PPP1R9A: variants seen among roughly 807,000 people sequenced by gnomAD.
PPP1R9A encodes neurabin-1.
In PPP1R9A, 59 loss-of-function variants were observed where a neutral mutation model predicts 141.9. The ratio of observed to expected loss-of-function variants is 0.42; its 90% CI spans 0.34 to 0.52. The LOEUF (loss-of-function observed/expected upper bound fraction) is 0.52. PPP1R9A is among the 20% of genes least tolerant of loss of function. The pLI, the probability that PPP1R9A is intolerant of heterozygous loss-of-function variation, is 0.10. For synonymous variants in PPP1R9A, 500 were observed against 569.7 expected (o/e 0.88, Z 1.74); for missense variants, 1,444 against 1,611.9 (o/e 0.90, Z 1.78).
intron 6 of PPP1R9A, chr7:95,202,508 A>C: frequency 3.9e-6 from 2 of 513,810 alleles, no homozygotes; most frequent in South Asian, 1.7e-4. Flanking sequence ...TGTTTAATCG[A>C]AGTATTGATC....
chr7:95,272,562 G>A lies in PPP1R9A; in HGVS notation c.3125-1337G>A, dbSNP rs929173667. Among the ~76,000 whole-genome samples the A allele has an allele frequency of 2.0e-5, 3 of 152,280 alleles. No individual in the cohort carries two copies. In the South Asian group the frequency reaches 6.2e-4, roughly 32 times the overall value. On this transcript the variant is annotated intron_variant, in intron 14 of 19. Transcript: ENST00000433360. ...TTCATTATGTACATTTCAGTGAGTT[G>A]CTTATTGTAATCTAAGTATCATTAA...
At chr7:95,189,067 T>A (rs968849215) in intron 5 of PPP1R9A, among the ~76,000 whole-genome samples, 1 of 152,070 alleles carries the variant, frequency 6.6e-6, no homozygotes, top group Non-Finnish European at 1.5e-5. Flanking sequence ...GGATACAGAG[T>A]TCTTGGTTTG....
intron 2 of PPP1R9A, among the ~76,000 whole-genome samples, chr7:95,003,495 G>T (rs1803215403): frequency 6.6e-6 from 1 of 152,116 alleles, no homozygotes; most frequent in South Asian, 2.1e-4. Context: ...TTAAGGGGAT[G>T]CTCCTTTATT....
chr7:94,935,628 C>T (rs1007691372), intron 2 of PPP1R9A, among the ~76,000 whole-genome samples: 1 of 152,090 alleles, frequency 6.6e-6, no homozygotes, highest in South Asian at 2.1e-4. Flanking sequence ...CAGAATTATT[C>T]TTTTGAATTG....
At chr7:95,132,143 T>C (rs1824761671) in intron 4 of PPP1R9A, among the ~76,000 whole-genome samples, 1 of 152,202 alleles carries the variant, frequency 6.6e-6, no homozygotes, top group South Asian at 2.1e-4. Flanking sequence ...TGAAGATAGT[T>C]TGACTTCTTC....
intron 2 of PPP1R9A, among the ~76,000 whole-genome samples, chr7:95,062,278 A>T (rs1436131734): frequency 6.6e-6 from 1 of 152,152 alleles, no homozygotes; most frequent in African/African-American, 2.4e-5. Flanking sequence ...GTCACATGAC[A>T]GTTCACATTT....
At chr7:95,104,802 T>C (rs1277174822) in intron 2 of PPP1R9A, among the ~76,000 whole-genome samples, 1 of 152,242 alleles carries the variant, frequency 6.6e-6, no homozygotes, top group Non-Finnish European at 1.5e-5. Flanking sequence ...GTTTTTGGAA[T>C]GTTAATATGT....
intron 2 of PPP1R9A, among the ~76,000 whole-genome samples, chr7:95,099,138 A>G (rs1818425576): frequency 6.6e-6 from 1 of 152,226 alleles, no homozygotes; most frequent in Non-Finnish European, 1.5e-5. Context: ...AGCAGGAAGG[A>G]CCAACTGCTG....
chr7:95,117,145 A>G (rs1159853970), intron 3 of PPP1R9A, among the ~76,000 whole-genome samples: 2 of 152,202 alleles, frequency 1.3e-5, no homozygotes, highest in Admixed American at 1.3e-4. Flanking sequence ...TGGGCTCCAT[A>G]GTATGACAAT....
chr7:95,182,430 A>G (rs1000610948), intron 5 of PPP1R9A, among the ~76,000 whole-genome samples: 3 of 152,228 alleles, frequency 2.0e-5, no homozygotes, highest in South Asian at 2.1e-4. Flanking sequence ...TGTAATTTCT[A>G]TACATGGAAG....
chr7:95,188,809 G>A (rs1348728375), intron 5 of PPP1R9A, among the ~76,000 whole-genome samples: 1 of 152,012 alleles, frequency 6.6e-6, no homozygotes, highest in Non-Finnish European at 1.5e-5. Flanking sequence ...ATCTTGGCCA[G>A]GCTGGTCTTG....
chr7:95,114,490 T>C (rs1821119680), intron 3 of PPP1R9A, among the ~76,000 whole-genome samples: 1 of 152,156 alleles, frequency 6.6e-6, no homozygotes, highest in Admixed American at 6.5e-5. Flanking sequence ...ATATTCTGTG[T>C]CTTTGTACAT....
chr7:95,080,294 A>G (rs1469367685), intron 2 of PPP1R9A, among the ~76,000 whole-genome samples: 1 of 151,894 alleles, frequency 6.6e-6, no homozygotes, highest in Non-Finnish European at 1.5e-5. Flanking sequence ...ATACACCAAT[A>G]ACAGACAAAC....
At chr7:95,188,537 C>G (rs1336713756) in intron 5 of PPP1R9A, among the ~76,000 whole-genome samples, 2 of 150,122 alleles carry the variant, frequency 1.3e-5, no homozygotes, top group Non-Finnish European at 3.0e-5. Flanking sequence ...TAGTTATTGC[C>G]TGAATACTTT....
intron 4 of PPP1R9A, among the ~76,000 whole-genome samples, chr7:95,153,682 T>C (rs1404985825): frequency 6.6e-6 from 1 of 152,234 alleles, no homozygotes; most frequent in Non-Finnish European, 1.5e-5. Context: ...ACATGTGATA[T>C]TTTCTTACAT....
chr7:95,202,037 A>G (rs1435172834), intron 6 of PPP1R9A, among the ~76,000 whole-genome samples: 1 of 152,196 alleles, frequency 6.6e-6, no homozygotes. Context: ...TGCATTCACT[A>G]CATGGAAAAC....
chr7:95,125,645 G>A (rs960202175), intron 4 of PPP1R9A, among the ~76,000 whole-genome samples: 1 of 152,072 alleles, frequency 6.6e-6, no homozygotes, highest in African/African-American at 2.4e-5. Context: ...TAAATTAGAG[G>A]CAAATTAAAA....
chr7:95,108,777 A>G (rs1407891563), intron 2 of PPP1R9A: 1 of 152,136 alleles, frequency 6.6e-6, no homozygotes, highest in African/African-American at 2.4e-5. Context: ...ATCCTGAAAA[A>G]AAAAATGTTG....
At chr7:95,288,838 T>G (rs1001439976) in intron 19 of PPP1R9A, 120 bp downstream of exon 19, 1 of 1,251,688 alleles carries the variant, frequency 8.0e-7, no homozygotes, top group African/African-American at 1.5e-5. Flanking sequence ...TCATCAATAT[T>G]CAGCAGAAAG....
Sources: allele counts gnomAD v4.1 joint callset (sites outside exome capture counted in the v4.1 genomes callset), GRCh38; gene constraint gnomAD v4.1.1; transcripts MANE v1.5; gene names NCBI Gene and HGNC (gene_info 2026-07-23, HGNC 2026-07-21).